SLC9C2: variants seen among roughly 807,000 people sequenced by gnomAD.
SLC9C2 encodes solute carrier family 9 member C2 (putative), also known as sodium/hydrogen exchanger 11.
Under a neutral mutation model 140.2 loss-of-function variants are expected in SLC9C2, and 75 were observed. The observed-to-expected ratio is 0.53, with a 90% confidence interval of 0.44 to 0.65. The LOEUF is 0.65. Among genes scored for constraint, SLC9C2 ranks in the 30% least tolerant of loss-of-function variants. The pLI, the probability that SLC9C2 is intolerant of heterozygous loss-of-function variation, is 0.00. For synonymous variants in SLC9C2, 375 were observed against 420.9 expected (o/e 0.89, Z 1.34); for missense variants, 1,074 against 1,331.8 (o/e 0.81, Z 3.01).
At chr1:173,536,707 T>A (rs1207747614) in intron 14 of SLC9C2, among the ~76,000 whole-genome samples, 1 of 151,998 alleles carries the variant, frequency 6.6e-6, no homozygotes, top group Non-Finnish European at 1.5e-5. Context: ...TTCTCCAGAC[T>A]CCCCTAATGT....
intron 22 of SLC9C2, among the ~76,000 whole-genome samples, chr1:173,519,952 C>T (rs1660689303): frequency 6.6e-6 from 1 of 152,106 alleles, no homozygotes; most frequent in African/African-American, 2.4e-5. Context: ...AGTTCAACAC[C>T]AGCCTAGGGA....
In SLC9C2 at chr1:173,518,405, C is replaced by G. The variant is rs529976053; in HGVS notation, c.2740-701G>C. Among the ~76,000 whole-genome samples, 3 of 152,258 alleles carry G rather than the reference C, an allele frequency of 2.0e-5. No homozygotes were observed. In the East Asian group the frequency reaches 5.8e-4, roughly 29 times the overall value. The stretch of plus-strand genomic sequence containing the variant: ...CTTTTGATTGCATGGGCACATAAAT[C>G]AGATATTATGAATTAATATGCCTCC... On this transcript the variant is annotated intron_variant, in intron 22 of 27. Coordinates refer to ENST00000367714, the MANE Select transcript of SLC9C2 (RefSeq NM_178527.4).
At position 173,561,854 on chromosome 1, in the gene SLC9C2, CAGACACAG is replaced by C. The variant is rs374236628; in HGVS notation, c.1047-4354_1047-4347del. Among the ~76,000 whole-genome samples the C allele has an allele frequency of 7.6e-3, 1,101 of 144,746 alleles. 21 individuals are homozygous for C. Among genetic ancestry groups the C allele is most frequent in the African/African-American group, 0.024 (866 of 36,396 alleles). The allele number at this position is 144,746 out of a possible 152,430, so 95.0% of individuals were successfully genotyped here. A position where few individuals can be genotyped will look rare whatever the true frequency, so the allele number is the denominator to read the frequency against. On this transcript the variant is annotated intron_variant, in intron 9 of 27. Transcript: ENST00000367714. Reference sequence around the variant, plus strand: ...CAATCACATAAGATACACACACACACAGACACAGACACACACACACACACACACACACC... The same window carrying C: ...CAATCACATAAGATACACACACACACACACACACACACACACACACACACC...
intron 4 of SLC9C2, among the ~76,000 whole-genome samples, chr1:173,590,971 G>T (rs1666125572): frequency 6.6e-6 from 1 of 152,048 alleles, no homozygotes; most frequent in Non-Finnish European, 1.5e-5. Flanking sequence ...GTGTCATGGG[G>T]GTTTGTTGTG....
At position 173,517,567 on chromosome 1, in the gene SLC9C2, T is replaced by G. The variant is rs772764306; in HGVS notation, c.2877A>C (p.Glu959Asp). The G allele has an allele frequency of 1.9e-6, 3 of 1,611,656 alleles. No homozygotes were observed. In the East Asian group the frequency reaches 6.7e-5, roughly 36 times the overall value. ...ELSCLLKREI[E>D]YTVICETSLQ... ...AACTAGTTTCACAGATGACGGTATA[T>G]TCAATTTCACGCTTAAGCAGACAGC... Residue 959 changes from glutamate to aspartate, a missense_variant, in exon 23 of 28, where the codon GAA becomes GAC. By Grantham distance (45) the Glu-to-Asp change is conservative. Transcript: ENST00000367714.
rs1007010003 is a variant in SLC9C2 at position 173,557,269 on chromosome 1, G to C, written c.1215+71C>G. The C allele has an allele frequency of 7.7e-6, 11 of 1,431,172 alleles. No individual in the cohort carries two copies. In the Admixed American group the frequency reaches 1.1e-4, roughly 14 times the overall value. The allele number at this position is 1,431,172 out of a possible 1,614,324, so 88.7% of individuals were successfully genotyped here. ...CAAAGCTGGTTAACTTTATTACTGGGTTCTCTGACAAGTGGGCAAGATAAG... is the reference window on the plus strand; with the variant it reads ...CAAAGCTGGTTAACTTTATTACTGGCTTCTCTGACAAGTGGGCAAGATAAG... On this transcript the variant is annotated intron_variant, in intron 10 of 27. Transcript: ENST00000367714.
rs1453030214 is a variant in SLC9C2 at position 173,500,652 on chromosome 1, AG to A, written c.*441del. 6.6e-6 allele frequency: 1 copy of A among 152,456 alleles called. No homozygotes were observed. Among genetic ancestry groups the A allele is most frequent in the Non-Finnish European group, 1.5e-5 (1 of 68,214 alleles). 9.4% of individuals were successfully genotyped at this position (152,456 alleles called of 1,614,324 possible). On this transcript the variant is annotated 3_prime_UTR_variant, in exon 28 of 28. Coordinates refer to ENST00000367714, the MANE Select transcript of SLC9C2 (RefSeq NM_178527.4). Reference sequence around the variant, plus strand: ...TTTTTCAATATTTACCAAACTGGGAAGGGGAGAATAGCTATACTCGGGAAAA... The same window carrying A: ...TTTTTCAATATTTACCAAACTGGGAAGGGAGAATAGCTATACTCGGGAAAA...
At chr1:173,598,114 T>C (rs957672596) in intron 3 of SLC9C2, 82 bp from the exon 4 acceptor site, 16 of 1,412,748 alleles carry the variant, frequency 1.1e-5, no homozygotes, top group South Asian at 1.1e-4. Flanking sequence ...TCAATCAATA[T>C]AAATTTTAGA....
At chr1:173,576,640 A>C (rs374293128) in intron 8 of SLC9C2, 21 bp downstream of exon 8, 2 of 1,506,208 alleles carry the variant, frequency 1.3e-6, no homozygotes, top group African/African-American at 2.8e-5. Context: ...GATCCATCGA[A>C]GGGCACGATA....
At chr1:173,524,585 A>G (rs955003761) in intron 20 of SLC9C2, among the ~76,000 whole-genome samples, 194 bp downstream of exon 20, 7 of 152,178 alleles carry the variant, frequency 4.6e-5, no homozygotes, top group Non-Finnish European at 4.4e-5. Context: ...GTTACTTGCA[A>G]TCAAGTAGTT....
At chr1:173,562,198 C>G (rs1285488380) in intron 9 of SLC9C2, among the ~76,000 whole-genome samples, 1 of 152,136 alleles carries the variant, frequency 6.6e-6, no homozygotes, top group Non-Finnish European at 1.5e-5. Flanking sequence ...GAAGTGTTGA[C>G]TGCAACATCA....
At position 173,501,018 on chromosome 1, in the gene SLC9C2, G is replaced by A; in HGVS notation, c.*76C>T. The A allele has an allele frequency of 7.1e-7, 1 of 1,400,672 alleles. No individual in the cohort carries two copies. The highest frequency in any genetic ancestry group is 9.4e-7 in the Non-Finnish European group (1 of 1,067,624). 86.8% of individuals were successfully genotyped at this position (1,400,672 alleles called of 1,614,324 possible). A position where few individuals can be genotyped will look rare whatever the true frequency, so the allele number is the denominator to read the frequency against. ...ATCCTTTAGTATTTGAGCGAGGAAA[G>A]TAGTTTGGTCTTTAACCTGACTCCA... On this transcript the variant is annotated 3_prime_UTR_variant, in exon 28 of 28. Transcript: ENST00000367714.
At chr1:173,568,518 T>A (rs1474947970) in intron 9 of SLC9C2, among the ~76,000 whole-genome samples, 3 of 152,214 alleles carry the variant, frequency 2.0e-5, no homozygotes, top group Non-Finnish European at 4.4e-5. Context: ...ATTTTCTTTA[T>A]CCAATCTGGC....
At chr1:173,557,216 TA>T in intron 10 of SLC9C2, 123 bp downstream of exon 10, 1 of 907,702 alleles carries the variant, frequency 1.1e-6, no homozygotes, top group Non-Finnish European at 1.7e-6. Context: ...CCTTTCTACT[TA>T]AAAGAATGCA....
At chr1:173,528,446 A>G (rs1236841147) in intron 18 of SLC9C2, among the ~76,000 whole-genome samples, 1 of 152,052 alleles carries the variant, frequency 6.6e-6, no homozygotes, top group Non-Finnish European at 1.5e-5. Flanking sequence ...CTTTTCTCCT[A>G]TGAATAGCTC....
intron 7 of SLC9C2, among the ~76,000 whole-genome samples, chr1:173,577,949 G>A (rs1468715418): frequency 6.6e-6 from 1 of 152,112 alleles, no homozygotes; most frequent in Non-Finnish European, 1.5e-5. Context: ...AAACTGTGAT[G>A]ACAGGGAAAC....
chr1:173,590,920 G>A (rs892715967), intron 4 of SLC9C2, among the ~76,000 whole-genome samples: 10 of 152,076 alleles, frequency 6.6e-5, no homozygotes, highest in African/African-American at 2.4e-4. Context: ...TTTATTTTAG[G>A]TTCTGGGGTA....
intron 22 of SLC9C2, among the ~76,000 whole-genome samples, chr1:173,519,268 G>C (rs778101555): frequency 6.6e-6 from 1 of 152,072 alleles, no homozygotes; most frequent in Non-Finnish European, 1.5e-5. Context: ...CTCAAGGTGG[G>C]CTCCAGCTGA....
chr1:173,547,533 A>AT (rs925457776), intron 13 of SLC9C2, among the ~76,000 whole-genome samples, 156 bp downstream of exon 13: 2 of 151,804 alleles, frequency 1.3e-5, no homozygotes, highest in African/African-American at 4.8e-5. Flanking sequence ...AAGAAGGAGA[A>AT]TTTTTTTATT....
Sources: allele counts gnomAD v4.1 joint callset (sites outside exome capture counted in the v4.1 genomes callset), GRCh38; gene constraint gnomAD v4.1.1; transcripts MANE v1.5; gene names NCBI Gene and HGNC (gene_info 2026-07-23, HGNC 2026-07-21).